Variants in CHL1 observed in about 807,000 individuals in gnomAD.
CHL1 encodes neural cell adhesion molecule L1-like protein.
CHL1 carries 96 observed loss-of-function variants against 141.9 expected under a neutral mutation model. That is an observed-to-expected ratio of 0.68 (90% CI 0.57 to 0.80). The LOEUF (loss-of-function observed/expected upper bound fraction) is 0.80, where lower values mean the gene tolerates loss of function less well. Among genes scored for constraint, CHL1 ranks in the 30% least tolerant of loss-of-function variants. The pLI, the probability that CHL1 is intolerant of heterozygous loss-of-function variation, is 0.00. For synonymous variants in CHL1, 613 were observed against 502.2 expected (o/e 1.22, Z -2.95); for missense variants, 1,820 against 1,457.2 (o/e 1.25, Z -4.05).
intron 2 of CHL1, among the ~76,000 whole-genome samples, chr3:286,699 T>C (rs1183308252): frequency 6.6e-6 from 1 of 151,920 alleles, no homozygotes; most frequent in African/African-American, 2.4e-5. Flanking sequence ...AGCTACCCAG[T>C]TGCTTATACT....
chr3:336,347 T>C (rs971071566), intron 5 of CHL1, among the ~76,000 whole-genome samples: 16 of 152,324 alleles, frequency 1.1e-4, no homozygotes, highest in Admixed American at 7.8e-4. Context: ...TGGTAGCGGT[T>C]AAGATGCCAG....
At chr3:207,089 G>A (rs1699509069) in intron 1 of CHL1, among the ~76,000 whole-genome samples, 1 of 152,156 alleles carries the variant, frequency 6.6e-6, no homozygotes, top group Non-Finnish European at 1.5e-5. Context: ...AAGAAAAAAA[G>A]GCAACTCTAT....
At chr3:244,869 T>TC (rs372070468) in intron 2 of CHL1, among the ~76,000 whole-genome samples, 177 bp downstream of exon 2, 1 of 152,098 alleles carries the variant, frequency 6.6e-6, no homozygotes, top group Non-Finnish European at 1.5e-5. Flanking sequence ...AGGTTTTTTT[T>TC]GTTTTTTGAG....
intron 15 of CHL1, among the ~76,000 whole-genome samples, chr3:367,701 G>A (rs1705078811): frequency 2.0e-5 from 3 of 151,812 alleles, no homozygotes. Flanking sequence ...TGGGATACAT[G>A]AACAGAACAT....
At position 366,026 on chromosome 3, in the gene CHL1, C is replaced by T. The variant is rs757288176; in HGVS notation, c.1662C>T (p.Ser554=). 1.2e-6 allele frequency: 2 copies of T among 1,613,394 alleles called. No individual in the cohort carries two copies. The highest frequency in any genetic ancestry group is 1.7e-4 in the Middle Eastern group (1 of 6,054). The change falls in exon 15 of 28, where the codon AGC becomes AGT. Residue 554 remains serine, a synonymous_variant. Coordinates refer to ENST00000256509, the MANE Select transcript of CHL1 (RefSeq NM_006614.4). ...KLHMLELHCE[S]KCDSHLKHSL... Reference sequence around the variant, plus strand: ...ATATGCTTGAATTACATTGTGAAAGCAAATGTGACTCACATTTGAAACACA... The same window carrying T: ...ATATGCTTGAATTACATTGTGAAAGTAAATGTGACTCACATTTGAAACACA...
At chr3:287,828 C>G (rs568054279) in intron 2 of CHL1, among the ~76,000 whole-genome samples, 1 of 151,846 alleles carries the variant, frequency 6.6e-6, no homozygotes, top group African/African-American at 2.4e-5. Context: ...TGCAGTGGCA[C>G]GATCTCAGTT....
At chr3:260,867 C>T (rs1234120285) in intron 2 of CHL1, among the ~76,000 whole-genome samples, 1 of 152,160 alleles carries the variant, frequency 6.6e-6, no homozygotes, top group East Asian at 1.9e-4. Context: ...ATTATTTTTT[C>T]TCAGACTTTT....
intron 1 of CHL1, among the ~76,000 whole-genome samples, chr3:237,871 G>A (rs2125073034): frequency 6.6e-6 from 1 of 152,310 alleles, no homozygotes; most frequent in Middle Eastern, 3.4e-3. Flanking sequence ...TAAAACTCGT[G>A]ATCAGAAATA....
At chr3:309,536 C>CT (rs1366231889) in intron 2 of CHL1, among the ~76,000 whole-genome samples, 6 of 144,144 alleles carry the variant, frequency 4.2e-5, no homozygotes, top group South Asian at 2.2e-4. Flanking sequence ...TCCTTCCTTC[C>CT]TTTTTTTGAA....
intron 22 of CHL1, 57 bp downstream of exon 22, chr3:391,216 T>C: frequency 7.4e-7 from 1 of 1,360,458 alleles, no homozygotes; most frequent in African/African-American, 1.4e-5. Flanking sequence ...ATGGCCATAT[T>C]AAACATTCTT....
At chr3:284,580 A>T (rs1696962296) in intron 2 of CHL1, among the ~76,000 whole-genome samples, 1 of 152,214 alleles carries the variant, frequency 6.6e-6, no homozygotes, top group African/African-American at 2.4e-5. Flanking sequence ...AAAAGCAAAA[A>T]TGAGACATGC....
intron 16 of CHL1, among the ~76,000 whole-genome samples, chr3:381,195 G>GT (rs1411661666): frequency 2.6e-5 from 4 of 152,130 alleles, no homozygotes; most frequent in Non-Finnish European, 4.4e-5. Flanking sequence ...GAAGAGGGAG[G>GT]TAATATGGTC....
At chr3:295,167 A>C (rs1698076916) in intron 2 of CHL1, among the ~76,000 whole-genome samples, 2 of 151,776 alleles carry the variant, frequency 1.3e-5, no homozygotes, top group African/African-American at 4.8e-5. Context: ...TCCCCCTCCC[A>C]AAAAAACTAA....
At position 377,625 on chromosome 3, in the gene CHL1, C is replaced by T. The variant is rs1706499038; in HGVS notation, c.1752-193C>T. On this transcript the variant is annotated intron_variant, in intron 15 of 27. Transcript: ENST00000256509. The stretch of plus-strand genomic sequence containing the variant: ...GTGATTTTGTTTATGGCTATGTAGA[C>T]AGTTGTGTATGCTAGAATAATTCTT... Among the ~76,000 whole-genome samples the T allele has an allele frequency of 4.6e-5, 7 of 152,286 alleles. No individual in the cohort carries two copies. The South Asian group carries it at 1.2e-3, about 27-fold the overall frequency.
chr3:327,030 G>A (rs948171312), intron 4 of CHL1, among the ~76,000 whole-genome samples: 6 of 151,758 alleles, frequency 4.0e-5, no homozygotes, highest in African/African-American at 1.2e-4. Context: ...TGGATATATT[G>A]ATCAATATCA....
chr3:281,640 A>C (rs1232106145), intron 2 of CHL1, among the ~76,000 whole-genome samples: 1 of 150,752 alleles, frequency 6.6e-6, no homozygotes, highest in Non-Finnish European at 1.5e-5. Context: ...GCTTACTGCA[A>C]CCTCTGTCTC....
chr3:218,797 A>G (rs932199715), intron 1 of CHL1, among the ~76,000 whole-genome samples: 1 of 152,218 alleles, frequency 6.6e-6, no homozygotes. Context: ...GTTTCATGCA[A>G]ATCAAAACCA....
intron 2 of CHL1, among the ~76,000 whole-genome samples, chr3:298,671 T>C (rs1460637303): frequency 6.6e-6 from 1 of 152,172 alleles, no homozygotes; most frequent in East Asian, 1.9e-4. Flanking sequence ...AATCTCATGT[T>C]TAATAGGAGA....
intron 3 of CHL1, among the ~76,000 whole-genome samples, chr3:322,228 A>G (rs1256649374): frequency 6.6e-6 from 1 of 152,104 alleles, no homozygotes; most frequent in African/African-American, 2.4e-5. Flanking sequence ...TCCAGTAGAT[A>G]AACACTGAAC....
Sources: allele counts gnomAD v4.1 joint callset (sites outside exome capture counted in the v4.1 genomes callset), GRCh38; gene constraint gnomAD v4.1.1; transcripts MANE v1.5; gene names NCBI Gene and HGNC (gene_info 2026-07-23, HGNC 2026-07-21).